Variants in CLDN14 observed in about 807,000 individuals in gnomAD.
CLDN14 encodes claudin 14.
A neutral mutation model predicts 2.1 loss-of-function variants in CLDN14; 2 were observed. The ratio of observed to expected loss-of-function variants is 0.96; its 90% CI spans 0.39 to 3.01. The LOEUF (loss-of-function observed/expected upper bound fraction) is 3.01. Among genes scored for constraint, CLDN14 ranks in the 30% most tolerant of loss-of-function variants. The pLI, the probability that CLDN14 is intolerant of heterozygous loss-of-function variation, is 0.09. For synonymous variants in CLDN14, 136 were observed against 154.4 expected, an observed-to-expected ratio of 0.88 and a Z score of 0.88; for missense variants, 298 against 328.0, an observed-to-expected ratio of 0.91 and a Z score of 0.71.
chr21:36,519,216 C>T (rs1042089059), intron 1 of CLDN14, among the ~76,000 whole-genome samples: 20 of 152,306 alleles, frequency 1.3e-4, no homozygotes, highest in Admixed American at 4.6e-4. Flanking sequence ...TGCATTATTA[C>T]GCTCTCATTG....
Position 36,563,337 on chromosome 21 carries a change from G to C in CLDN14, c.-220+13074C>G, listed in dbSNP as rs891571983. Among the ~76,000 whole-genome samples the C allele has an allele frequency of 3.9e-5, 6 of 152,120 alleles. No homozygotes were observed. In the East Asian group the frequency reaches 1.2e-3, roughly 29 times the overall value. ...ACATACAGTGCATATTCTGGTTTAGGCTACCCAACTGGATATGTTGGCCTG... is the reference window on the plus strand; with the variant it reads ...ACATACAGTGCATATTCTGGTTTAGCCTACCCAACTGGATATGTTGGCCTG... On this transcript the variant is annotated intron_variant, in intron 1 of 2. Coordinates refer to the CLDN14 transcript ENST00000342108.
At chr21:36,561,602 A>C (rs1385723703) in intron 1 of CLDN14, among the ~76,000 whole-genome samples, 3 of 152,170 alleles carry the variant, frequency 2.0e-5, no homozygotes, top group Non-Finnish European at 4.4e-5. Flanking sequence ...TTGGTTTCTC[A>C]GAGGTCCTCT....
At chr21:36,540,534 T>C (rs2087480179) in intron 1 of CLDN14, among the ~76,000 whole-genome samples, 1 of 152,094 alleles carries the variant, frequency 6.6e-6, no homozygotes, top group African/African-American at 2.4e-5. Context: ...CCTCTCCTAC[T>C]GATATTGAAC....
intron 2 of CLDN14, among the ~76,000 whole-genome samples, chr21:36,509,538 T>C (rs1255128717): frequency 6.6e-6 from 1 of 152,224 alleles, no homozygotes; most frequent in Non-Finnish European, 1.5e-5. Flanking sequence ...GCCAGTTCCA[T>C]ACAGAAATTC....
chr21:36,485,012 G>A (rs1373236439), upstream of CLDN14, among the ~76,000 whole-genome samples: 1 of 144,148 alleles, frequency 6.9e-6, no homozygotes, highest in Non-Finnish European at 1.6e-5. Context: ...GTACTGGGCT[G>A]ATAAGGGCCA....
intron 2 of CLDN14, among the ~76,000 whole-genome samples, chr21:36,495,126 G>A (rs1195769480): frequency 1.3e-5 from 2 of 152,098 alleles, no homozygotes; most frequent in Admixed American, 6.6e-5. Flanking sequence ...TCAGGAGTTC[G>A]AGACTAGCCT....
rs1334431760 is a variant in CLDN14 at position 36,498,708 on chromosome 21, G to A, written c.-82+11655C>T. On this transcript the variant is annotated intron_variant, in intron 2 of 2. Transcript: ENST00000342108. This position sits in a 1 kb window ranked among gnomAD's most constrained non-coding sequence, Gnocchi z 4.9. The stretch of plus-strand genomic sequence containing the variant: ...GTGGCAGACAGCAGCCTACAGAAAG[G>A]TGGGGGCACCTCTCAGCTGGCCTTC... Among the ~76,000 whole-genome samples, 1 of 152,154 alleles carries A rather than the reference G, an allele frequency of 6.6e-6. No homozygotes were observed. The highest frequency in any genetic ancestry group is 2.4e-5 in the African/African-American group (1 of 41,430).
intron 2 of CLDN14, among the ~76,000 whole-genome samples, chr21:36,490,479 C>T (rs913294583): frequency 1.3e-5 from 2 of 149,916 alleles, no homozygotes; most frequent in African/African-American, 2.5e-5. Flanking sequence ...ACCTCCACCT[C>T]CTGGGTTCAA....
At chr21:36,497,271 A>G (rs1397814632) in intron 2 of CLDN14, among the ~76,000 whole-genome samples, 16 of 3,758 alleles carry the variant, frequency 4.3e-3, no homozygotes, top group Admixed American at 0.01. Context: ...GGGAGGGAGG[A>G]AGGAAGGGAG....
upstream of CLDN14, chr21:36,481,033 T>G (rs2086840537): frequency 6.6e-6 from 1 of 152,188 alleles, no homozygotes; most frequent in Non-Finnish European, 1.5e-5. Flanking sequence ...AGGATTGACA[T>G]AACCCACATC....
intron 1 of CLDN14, among the ~76,000 whole-genome samples, chr21:36,573,746 A>C (rs955292792): frequency 6.6e-6 from 1 of 152,148 alleles, no homozygotes; most frequent in South Asian, 2.1e-4. Context: ...ACTATACAAA[A>C]CTCAGTTATA....
intron 1 of CLDN14, among the ~76,000 whole-genome samples, chr21:36,531,708 T>A (rs1173471462): frequency 6.6e-6 from 1 of 150,658 alleles, no homozygotes; most frequent in Admixed American, 6.6e-5. Context: ...TTTTTTTTTT[T>A]AACTAAGGAA....
chr21:36,511,678 T>C (rs1203791178), intron 1 of CLDN14, among the ~76,000 whole-genome samples: 1 of 152,140 alleles, frequency 6.6e-6, no homozygotes, highest in Non-Finnish European at 1.5e-5. Flanking sequence ...TGGTAATTTT[T>C]TTCTTAGCTA....
At chr21:36,517,858 G>A (rs1328202095) in intron 1 of CLDN14, among the ~76,000 whole-genome samples, 1 of 152,168 alleles carries the variant, frequency 6.6e-6, no homozygotes, top group Non-Finnish European at 1.5e-5. Context: ...GCTCCCTAAT[G>A]TGGGTGGGGC....
At position 36,558,822 on chromosome 21, in the gene CLDN14, G is replaced by C. The variant is rs116099298; in HGVS notation, c.-220+17589C>G. Among the ~76,000 whole-genome samples the C allele has an allele frequency of 2.0e-3, 298 of 151,822 alleles. 1 individual carries two copies. Among genetic ancestry groups the C allele is most frequent in the African/African-American group, 6.9e-3 (285 of 41,468 alleles). On this transcript the variant is annotated intron_variant, in intron 1 of 2. Coordinates refer to the CLDN14 transcript ENST00000342108. ...TATGAGATCATGTCATCTGCAAACA[G>C]ATAATTTTACTTCTTTCTTTTCAAT...
At chr21:36,555,806 AGTGTGTGTGTGTGTGTGTGTGT>A (rs142473999) in intron 1 of CLDN14, among the ~76,000 whole-genome samples, 6 of 143,340 alleles carry the variant, frequency 4.2e-5, no homozygotes, top group Non-Finnish European at 9.0e-5. Context: ...TCTATAGGTC[AGTGTGTGTGTGTGTGTGTGTGT>A]GTGTGTGTGT....
chr21:36,499,427 G>T lies in CLDN14; in HGVS notation c.-82+10936C>A, dbSNP rs1053985706. 6.6e-6 allele frequency among the ~76,000 whole-genome samples: 1 copy of T among 152,142 alleles called. No individual in the cohort carries two copies. The highest frequency in any genetic ancestry group is 1.5e-5 in the Non-Finnish European group (1 of 68,030). On this transcript the variant is annotated intron_variant, in intron 2 of 2. Transcript: ENST00000342108. This position sits in a 1 kb window ranked among gnomAD's most constrained non-coding sequence, Gnocchi z 4.7. Reference sequence around the variant, plus strand: ...ACAGCCTTTTTGTTTTATGGGCTGGGTTCCTACAGAGAGTTATGAATGGAG... The same window carrying T: ...ACAGCCTTTTTGTTTTATGGGCTGGTTTCCTACAGAGAGTTATGAATGGAG...
At chr21:36,538,382 AGAGACAGCG>A (rs752521536) in intron 1 of CLDN14, among the ~76,000 whole-genome samples, 3 of 152,112 alleles carry the variant, frequency 2.0e-5, no homozygotes, top group Non-Finnish European at 4.4e-5. Context: ...CGTGGCAAGA[AGAGACAGCG>A]GATCACAAGG....
intron 1 of CLDN14, among the ~76,000 whole-genome samples, chr21:36,515,747 C>T (rs548162802): frequency 7.1e-4 from 107 of 150,958 alleles, no homozygotes; most frequent in Non-Finnish European, 9.6e-4. Flanking sequence ...AATACACACA[C>T]GGCCCACCTG....
Sources: allele counts gnomAD v4.1 joint callset (sites outside exome capture counted in the v4.1 genomes callset), GRCh38; gene constraint gnomAD v4.1.1; non-coding constraint Gnocchi (gnomAD v3.1); transcripts MANE v1.5; gene names NCBI Gene and HGNC (gene_info 2026-07-23, HGNC 2026-07-21).